MINDY3: variants seen among roughly 807,000 people sequenced by gnomAD.
MINDY3 encodes the protein MINDY lysine 48 deubiquitinase 3.
In MINDY3, 38 loss-of-function variants were observed where a neutral mutation model predicts 69.2. The observed-to-expected ratio is 0.55, with a 90% CI of 0.42 to 0.72. MINDY3 has a LOEUF of 0.72. MINDY3 is among the 30% of genes least tolerant of loss of function. The probability of loss-of-function intolerance (pLI) is 0.00; values close to 1 mark genes in which losing one functional copy is unlikely to be tolerated. For missense variants in MINDY3, 522 were observed against 519.0 expected, an observed-to-expected ratio of 1.01 and a Z score of -0.06; for synonymous variants, 192 against 180.1, an observed-to-expected ratio of 1.07 and a Z score of -0.53.
At chr10:15,817,694 A>G (rs1839470971) in intron 9 of MINDY3, 1 of 152,228 alleles carries the variant, frequency 6.6e-6, no homozygotes, top group African/African-American at 2.4e-5. Flanking sequence ...AAAAATGACG[A>G]ATCTTAGCAA....
rs757935235 is a variant in MINDY3, at chr10:15,816,894, G to C, written c.823C>G (p.Pro275Ala). Residue 275 changes from proline to alanine, a missense_variant, in exon 10 of 15, where the codon CCA (proline) becomes GCA (alanine). Coordinates refer to ENST00000277632, the MANE Select transcript of MINDY3 (RefSeq NM_024948.4). ...YCKVGSYLKS[P>A]KFPIWIVGSE... ...CCAACAATCCAAATAGGGAATTTTG[G>C]AGATTTCAAGTAAGAACCAACCTAG... The C allele has an allele frequency of 4.8e-5, 78 of 1,613,070 alleles. No individual in the cohort carries two copies. The highest frequency in any genetic ancestry group is 6.3e-5 in the Non-Finnish European group (74 of 1,179,538).
chr10:15,828,476 T>C (rs1840241452), intron 8 of MINDY3, among the ~76,000 whole-genome samples: 2 of 152,084 alleles, frequency 1.3e-5, no homozygotes, highest in African/African-American at 2.4e-5. Context: ...TTAAAATTGA[T>C]TGTGGTGATG....
intron 2 of MINDY3, among the ~76,000 whole-genome samples, chr10:15,846,488 A>G (rs140973902): frequency 1.1e-3 from 160 of 152,292 alleles, no homozygotes; most frequent in African/African-American, 3.7e-3. Context: ...TTCACATTCC[A>G]TAATTCCAAG....
intron 1 of MINDY3, among the ~76,000 whole-genome samples, chr10:15,858,804 A>C (rs1834875097): frequency 6.6e-6 from 1 of 152,166 alleles, no homozygotes. Flanking sequence ...AATGGAAGTA[A>C]ATTTTTTCTT....
intron 2 of MINDY3, among the ~76,000 whole-genome samples, chr10:15,846,091 G>A (rs1833823938): frequency 6.6e-6 from 1 of 152,050 alleles, no homozygotes; most frequent in African/African-American, 2.4e-5. Flanking sequence ...CCAAAGTGCT[G>A]GGATTACAGG....
chr10:15,843,112 A>G (rs1833595660), intron 3 of MINDY3, 100 bp downstream of exon 3: 4 of 954,910 alleles, frequency 4.2e-6, no homozygotes, highest in Middle Eastern at 2.3e-4. Context: ...AAACCTCAGG[A>G]AAAAAAATTC....
At chr10:15,785,869 T>C (rs913633570) in intron 13 of MINDY3, among the ~76,000 whole-genome samples, 2 of 152,198 alleles carry the variant, frequency 1.3e-5, no homozygotes, top group Non-Finnish European at 2.9e-5. Context: ...GGAATGTCTA[T>C]TGCAACAATG....
intron 10 of MINDY3, among the ~76,000 whole-genome samples, chr10:15,805,445 T>C (rs2131928665): frequency 6.6e-6 from 1 of 152,286 alleles, no homozygotes; most frequent in East Asian, 1.9e-4. Context: ...AAAAATAAAG[T>C]TCCTCTTTAT....
chr10:15,795,553 C>T (rs1837752569), intron 11 of MINDY3, among the ~76,000 whole-genome samples: 1 of 151,990 alleles, frequency 6.6e-6, no homozygotes, highest in Admixed American at 6.6e-5. Flanking sequence ...TTAACCGTTA[C>T]CTAAATATGT....
At chr10:15,812,085 G>A (rs530160782) in intron 10 of MINDY3, among the ~76,000 whole-genome samples, 2 of 152,034 alleles carry the variant, frequency 1.3e-5, no homozygotes. Context: ...GGGATTACAG[G>A]TGCCCAGCAC....
intron 8 of MINDY3, among the ~76,000 whole-genome samples, chr10:15,822,257 T>G (rs1839817237): frequency 1.3e-5 from 2 of 152,094 alleles, no homozygotes; most frequent in Non-Finnish European, 2.9e-5. Context: ...TAAAGAAGAA[T>G]AGAAAATGAT....
chr10:15,794,003 C>CA (rs1344737617), intron 11 of MINDY3, among the ~76,000 whole-genome samples: 1 of 152,068 alleles, frequency 6.6e-6, no homozygotes, highest in East Asian at 1.9e-4. Context: ...TAGGAATATA[C>CA]CCACAGCACA....
At chr10:15,806,220 T>C (rs1300613736) in intron 10 of MINDY3, among the ~76,000 whole-genome samples, 1 of 152,158 alleles carries the variant, frequency 6.6e-6, no homozygotes, top group South Asian at 2.1e-4. Context: ...GATCTTCCTA[T>C]TGAGAGCAGT....
At chr10:15,825,498 A>T (rs1840027349) in intron 8 of MINDY3, among the ~76,000 whole-genome samples, 1 of 152,206 alleles carries the variant, frequency 6.6e-6, no homozygotes, top group Admixed American at 6.5e-5. Flanking sequence ...GGCACAAGCC[A>T]ATACACCCAG....
At position 15,818,306 on chromosome 10, in the gene MINDY3, T is replaced by A. The variant is rs146927301; in HGVS notation, c.802-1391A>T. Among the ~76,000 whole-genome samples the A allele has an allele frequency of 2.5e-3, 375 of 150,628 alleles. 3 individuals carry two copies. Among genetic ancestry groups the A allele is most frequent in the African/African-American group, 7.8e-3 (319 of 40,800 alleles). ...TTTCAGAAAAAGTGTGTATTTAAAT[T>A]AAGGTAGAAGTAAAAAAAAAAAACA... On this transcript the variant is annotated intron_variant, in intron 9 of 14. Transcript: ENST00000277632.
intron 14 of MINDY3, 132 bp from the exon 15 acceptor site, chr10:15,779,273 A>C (rs1836332519): frequency 6.1e-6 from 4 of 660,586 alleles, no homozygotes; most frequent in Non-Finnish European, 6.9e-6. Flanking sequence ...ATGTAATTTT[A>C]TTTTGCTAGA....
chr10:15,812,237 G>A (rs929611934), intron 10 of MINDY3, among the ~76,000 whole-genome samples: 2 of 151,988 alleles, frequency 1.3e-5, no homozygotes, highest in Non-Finnish European at 2.9e-5. Context: ...CCCTGCGCCC[G>A]GCCAATTCTT....
intron 2 of MINDY3, among the ~76,000 whole-genome samples, chr10:15,846,651 A>C (rs1370057125): frequency 6.6e-6 from 1 of 152,126 alleles, no homozygotes; most frequent in Non-Finnish European, 1.5e-5. Flanking sequence ...TAATAATGTA[A>C]GTATTATTAT....
chr10:15,854,360 A>G (rs1296697063), intron 1 of MINDY3, among the ~76,000 whole-genome samples: 1 of 152,142 alleles, frequency 6.6e-6, no homozygotes, highest in Non-Finnish European at 1.5e-5. Flanking sequence ...ATTGCCACAG[A>G]CTGGAGAAGC....
Sources: allele counts gnomAD v4.1 joint callset (sites outside exome capture counted in the v4.1 genomes callset), GRCh38; gene constraint gnomAD v4.1.1; transcripts MANE v1.5; gene names NCBI Gene and HGNC (gene_info 2026-07-23, HGNC 2026-07-21).